The following MED13L variants were observed in gnomAD, a reference collection of about 807,000 sequenced individuals.
MED13L encodes mediator of RNA polymerase II transcription subunit 13-like.
A neutral mutation model predicts 220.9 loss-of-function variants in MED13L; 7 were observed. The ratio of observed to expected loss-of-function variants is 0.03; its 90% CI spans 0.02 to 0.06. The LOEUF is 0.06. Among genes scored for constraint, MED13L ranks in the 10% least tolerant of loss-of-function variants. MED13L has a pLI of 1.00. For synonymous variants in MED13L, 1,011 were observed against 1,015.2 expected (o/e 1.00, Z 0.08); for missense variants, 1,965 against 2,760.5 (o/e 0.71, Z 6.46).
Position 115,960,170 on chromosome 12 carries a change from C to G in MED13L, c.*1096G>C, listed in dbSNP as rs770299596. On this transcript the variant is annotated 3_prime_UTR_variant, in exon 31 of 31. Coordinates refer to ENST00000281928, the MANE Select transcript of MED13L (RefSeq NM_015335.5). ...GTAATATTTCTTTGAAATAATATTC[C>G]TATGGTCCAGAAAAAATTCACCATA... 6.6e-6 allele frequency: 1 copy of G among 152,584 alleles called. No homozygotes were observed. The highest frequency in any genetic ancestry group is 2.4e-5 in the African/African-American group (1 of 41,422). 9.5% of individuals were successfully genotyped at this position (152,584 alleles called of 1,614,324 possible).
chr12:115,996,385 C>T (rs373823310), intron 16 of MED13L, 91 bp downstream of exon 16: 2 of 1,460,494 alleles, frequency 1.4e-6, no homozygotes, highest in Admixed American at 3.4e-5. Flanking sequence ...AGCCACCGCG[C>T]CCGGACCTTG....
intron 8 of MED13L, 67 bp downstream of exon 8, chr12:116,015,042 A>G (rs763939086): frequency 1.3e-6 from 2 of 1,507,864 alleles, no homozygotes; most frequent in Non-Finnish European, 1.8e-6. Context: ...TGTGATTGAC[A>G]TTTTCCAGGT....
chr12:116,087,366 AT>A (rs757257929), intron 4 of MED13L, among the ~76,000 whole-genome samples: 29 of 152,324 alleles, frequency 1.9e-4, no homozygotes, highest in South Asian at 1.0e-3. Context: ...GAGGAAAAAA[AT>A]GTTAGAAAAA....
intron 2 of MED13L, among the ~76,000 whole-genome samples, chr12:116,134,432 A>G (rs768014207): frequency 5.3e-5 from 8 of 152,212 alleles, no homozygotes; most frequent in African/African-American, 1.4e-4. Flanking sequence ...CCCTGGTGAT[A>G]TAACAGGGTA....
intron 6 of MED13L, 35 bp from the exon 7 acceptor site, chr12:116,019,447 T>C (rs1879923062): frequency 1.9e-6 from 3 of 1,605,218 alleles, no homozygotes; most frequent in South Asian, 2.2e-5. Context: ...GAATCAGGAC[T>C]GAGAAAGAAT....
At chr12:116,074,440 C>A (rs190207353) in intron 4 of MED13L, among the ~76,000 whole-genome samples, 1 of 152,106 alleles carries the variant, frequency 6.6e-6, no homozygotes, top group Non-Finnish European at 1.5e-5. Flanking sequence ...ATTTAAAATA[C>A]GCCCAATTTT....
intron 3 of MED13L, among the ~76,000 whole-genome samples, chr12:116,108,881 CAT>C (rs1873829165): frequency 6.6e-6 from 1 of 152,102 alleles, no homozygotes; most frequent in East Asian, 1.9e-4. Flanking sequence ...ATGTGGCACA[CAT>C]GATATATATC....
At chr12:116,050,154 C>G (rs1294119711) in intron 4 of MED13L, among the ~76,000 whole-genome samples, 1 of 152,048 alleles carries the variant, frequency 6.6e-6, no homozygotes, top group East Asian at 1.9e-4. Flanking sequence ...GGGTGCGACT[C>G]CATGGAAGTT....
intron 2 of MED13L, among the ~76,000 whole-genome samples, chr12:116,113,185 A>G (rs1874225472): frequency 6.6e-6 from 1 of 152,204 alleles, no homozygotes; most frequent in Admixed American, 6.5e-5. Context: ...TCACTGGTGC[A>G]GTATCTTCCT....
At chr12:115,993,710 A>G (rs61936943) in intron 16 of MED13L, among the ~76,000 whole-genome samples, 3,902 of 152,286 alleles carry the variant, frequency 0.026, 66 homozygotes, top group Non-Finnish European at 0.039. Context: ...TTCAGATCAG[A>G]AAAGGAACTA....
At chr12:116,057,371 T>C (rs912900948) in intron 4 of MED13L, among the ~76,000 whole-genome samples, 1 of 151,938 alleles carries the variant, frequency 6.6e-6, no homozygotes, top group Non-Finnish European at 1.5e-5. Flanking sequence ...GCAACCAAAC[T>C]GCAAAACTCT....
chr12:116,158,438 G>A (rs1046783596), intron 2 of MED13L, among the ~76,000 whole-genome samples: 5 of 152,150 alleles, frequency 3.3e-5, no homozygotes, highest in Admixed American at 1.3e-4. Flanking sequence ...GCCAATCTCA[G>A]CGTGGTCCTA....
chr12:116,106,756 G>A (rs1457338817), intron 3 of MED13L, among the ~76,000 whole-genome samples: 1 of 151,330 alleles, frequency 6.6e-6, no homozygotes, highest in Non-Finnish European at 1.5e-5. Context: ...TGAGGCAGGT[G>A]AATCGCTTGA....
chr12:116,055,957 G>A (rs1868926808), intron 4 of MED13L, among the ~76,000 whole-genome samples: 1 of 151,720 alleles, frequency 6.6e-6, no homozygotes, highest in Non-Finnish European at 1.5e-5. Flanking sequence ...CTTAGTTACT[G>A]ACTTTAATAA....
chr12:116,273,267 G>C (rs1427108273), intron 1 of MED13L, among the ~76,000 whole-genome samples: 2 of 151,950 alleles, frequency 1.3e-5, no homozygotes, highest in Non-Finnish European at 2.9e-5. Context: ...TGGCACCTTT[G>C]CACTCCAGCC....
chr12:116,092,119 T>G (rs891470326), intron 4 of MED13L, among the ~76,000 whole-genome samples: 5 of 152,254 alleles, frequency 3.3e-5, no homozygotes, highest in African/African-American at 1.2e-4. Context: ...TATTTGTCTA[T>G]GGACTTCCCA....
chr12:115,971,733 T>G (rs1419781137), intron 26 of MED13L, among the ~76,000 whole-genome samples: 3 of 152,198 alleles, frequency 2.0e-5, no homozygotes, highest in African/African-American at 7.2e-5. Flanking sequence ...AAAAGGATAT[T>G]CAAATATGCA....
intron 2 of MED13L, among the ~76,000 whole-genome samples, chr12:116,203,502 A>AAG (rs1363784161): frequency 1.3e-5 from 2 of 152,100 alleles, no homozygotes; most frequent in African/African-American, 4.8e-5. Flanking sequence ...CATATAAGGA[A>AAG]AGACTAGTGT....
At chr12:116,085,860 C>T (rs1871634327) in intron 4 of MED13L, among the ~76,000 whole-genome samples, 1 of 151,816 alleles carries the variant, frequency 6.6e-6, no homozygotes, top group African/African-American at 2.4e-5. Context: ...AAACAGAAAT[C>T]TTACTTCAGG....
Sources: gnomAD v4.1 joint callset for allele counts (sites outside exome capture counted in the v4.1 genomes callset) on GRCh38, gnomAD v4.1.1 for gene constraint, MANE v1.5 for transcripts, NCBI Gene and HGNC (gene_info 2026-07-23, HGNC 2026-07-21) for gene names.